The following ABCC4 variants were observed in gnomAD, a reference collection of about 807,000 sequenced individuals.
The protein encoded by ABCC4 is ATP-binding cassette sub-family C member 4.
Under a neutral mutation model 168.5 loss-of-function variants are expected in ABCC4, and 102 were observed. That is an observed-to-expected ratio of 0.61 (90% confidence interval 0.52 to 0.71). The LOEUF (loss-of-function observed/expected upper bound fraction) is 0.71. Among genes scored for constraint, ABCC4 ranks in the 30% least tolerant of loss-of-function variants. ABCC4 has a pLI of 0.00. For missense variants in ABCC4, 1,402 were observed against 1,605.8 expected (o/e 0.87, Z 2.17); for synonymous variants, 617 against 590.7 (o/e 1.04, Z -0.65).
At chr13:95,043,652 C>A in intron 29 of ABCC4, 30 bp downstream of exon 29, 1 of 1,537,868 alleles carries the variant, frequency 6.5e-7, no homozygotes, top group East Asian at 2.2e-5. Flanking sequence ...TAATTGGGAG[C>A]AACAGGAATT....
At chr13:95,058,871 G>C (rs549636910) in intron 26 of ABCC4, among the ~76,000 whole-genome samples, 1 of 152,200 alleles carries the variant, frequency 6.6e-6, no homozygotes, top group Non-Finnish European at 1.5e-5. Context: ...GCAGGAGCCC[G>C]GCCAAGCAGG....
At chr13:95,161,885 A>G (rs2037111564) in intron 18 of ABCC4, 1 of 152,240 alleles carries the variant, frequency 6.6e-6, no homozygotes, top group African/African-American at 2.4e-5. Context: ...ATTTTAACAT[A>G]AGATAATTAA....
intron 27 of ABCC4, among the ~76,000 whole-genome samples, chr13:95,049,197 G>A (rs571530468): frequency 4.7e-4 from 71 of 152,080 alleles, no homozygotes; most frequent in African/African-American, 1.7e-3. Flanking sequence ...AGCCAGGCAT[G>A]GTGGGGCTTG....
At chr13:95,158,290 AG>A (rs1232044488) in intron 19 of ABCC4, among the ~76,000 whole-genome samples, 1 of 151,382 alleles carries the variant, frequency 6.6e-6, no homozygotes, top group African/African-American at 2.5e-5. Flanking sequence ...AAGCATGATG[AG>A]GGGGATGGCA....
At chr13:95,284,236 G>A (rs1221921599) in intron 1 of ABCC4, among the ~76,000 whole-genome samples, 1 of 152,126 alleles carries the variant, frequency 6.6e-6, no homozygotes, top group African/African-American at 2.4e-5. Context: ...GTCCAGGCTG[G>A]AGTGCAGGGG....
Position 95,234,680 on chromosome 13 carries a change from A to G in ABCC4, c.461T>C (p.Leu154Ser). The change falls in exon 4 of 31, where the codon TTA becomes TCA. Residue 154 changes from leucine to serine, a missense_variant. This residue lies in a region of ABCC4 where 317 missense variants were observed against 345.5 expected (regional missense o/e 0.92). Coordinates refer to ENST00000645237, the MANE Select transcript of ABCC4 (RefSeq NM_005845.5). ...AGCACACTGAACGTGATAAAAATATAAGTGATGCAGTATAGCCAAAATGAG... is the reference window on the plus strand; with the variant it reads ...AGCACACTGAACGTGATAAAAATATGAGTGATGCAGTATAGCCAAAATGAG... ...CTLILAILHH[L>S]YFYHVQCAGM... 6.2e-7 allele frequency: 1 copy of G among 1,614,168 alleles called. No individual in the cohort carries two copies. Among genetic ancestry groups the G allele is most frequent in the South Asian group, 1.1e-5 (1 of 91,080 alleles).
intron 11 of ABCC4, among the ~76,000 whole-genome samples, chr13:95,184,722 GATGGAAGAA>G: frequency 6.6e-6 from 1 of 152,214 alleles, no homozygotes; most frequent in Non-Finnish European, 1.5e-5. Context: ...ATAGAGAAAT[GATGGAAGAA>G]AAGAGCTGAA....
At chr13:95,209,225 G>A (rs1321834288) in intron 6 of ABCC4, among the ~76,000 whole-genome samples, 8 of 152,202 alleles carry the variant, frequency 5.3e-5, no homozygotes. Context: ...AGCTGGCTGG[G>A]AGGAGCCAGT....
chr13:95,200,093 T>C (rs950243770), intron 8 of ABCC4, among the ~76,000 whole-genome samples: 10 of 149,702 alleles, frequency 6.7e-5, no homozygotes, highest in African/African-American at 2.4e-4. Flanking sequence ...CACTTGATGA[T>C]TCCCAGGAGG....
intron 1 of ABCC4, among the ~76,000 whole-genome samples, chr13:95,288,947 C>T (rs2041326816): frequency 6.6e-6 from 1 of 152,196 alleles, no homozygotes; most frequent in Non-Finnish European, 1.5e-5. Flanking sequence ...GTAAATGCCA[C>T]ATTTGAGCTC....
chr13:95,197,373 T>C (rs2038486733), intron 8 of ABCC4, among the ~76,000 whole-genome samples: 1 of 152,256 alleles, frequency 6.6e-6, no homozygotes, highest in Admixed American at 6.5e-5. Flanking sequence ...GTATTCTGTA[T>C]GTGCAGGTCA....
intron 4 of ABCC4, among the ~76,000 whole-genome samples, chr13:95,218,218 T>G (rs2039178493): frequency 6.6e-6 from 1 of 152,152 alleles, no homozygotes; most frequent in Non-Finnish European, 1.5e-5. Flanking sequence ...AGCAGAAAAT[T>G]GCCTGTATTT....
At position 95,044,379 on chromosome 13, in the gene ABCC4, T is replaced by C; in HGVS notation, c.3516A>G (p.Glu1172=). 1 of 1,613,826 alleles carries C rather than the reference T, an allele frequency of 6.2e-7. No homozygotes were observed. Among genetic ancestry groups the C allele is most frequent in the Non-Finnish European group, 8.5e-7 (1 of 1,179,856 alleles). Reference sequence around the variant, plus strand: ...GTCCAACACTAAAATTGGATCCTGATTCTGCTAATTCAGTATCCATTTTAC... The same window carrying C: ...GTCCAACACTAAAATTGGATCCTGACTCTGCTAATTCAGTATCCATTTTAC... ...LPGKMDTELA[E]SGSNFSVGQR... The change falls in exon 28 of 31, where the codon GAA becomes GAG. Residue 1172 remains glutamate, a synonymous_variant. Transcript: ENST00000645237.
At chr13:95,277,514 G>A (rs2041001441) in intron 1 of ABCC4, among the ~76,000 whole-genome samples, 1 of 151,748 alleles carries the variant, frequency 6.6e-6, no homozygotes, top group African/African-American at 2.4e-5. Context: ...CCAGGAGGTG[G>A]AGGTTGCAGT....
intron 27 of ABCC4, among the ~76,000 whole-genome samples, chr13:95,049,083 C>G (rs1043291941): frequency 1.3e-5 from 2 of 152,174 alleles, no homozygotes; most frequent in African/African-American, 4.8e-5. Context: ...CCTGTAATCC[C>G]AGCACTCTGG....
chr13:95,209,373 T>C, intron 6 of ABCC4, 61 bp downstream of exon 6: 1 of 1,551,452 alleles, frequency 6.4e-7, no homozygotes, highest in Non-Finnish European at 8.8e-7. Flanking sequence ...ACAAAAGCAT[T>C]GGGAAGACTG....
intron 4 of ABCC4, among the ~76,000 whole-genome samples, chr13:95,218,983 AAGAGTG>A (rs796211598): frequency 0.052 from 559 of 10,800 alleles, 27 homozygotes; most frequent in East Asian, 0.13. Context: ...GAAAGAAAGA[AAGAGTG>A]AGAAAGAAAG....
intron 3 of ABCC4, among the ~76,000 whole-genome samples, chr13:95,237,846 A>C (rs2039817407): frequency 6.6e-6 from 1 of 152,120 alleles, no homozygotes; most frequent in South Asian, 2.1e-4. Flanking sequence ...TGAGTGAAAA[A>C]TACAAGCAGA....
rs894606787 is a variant in ABCC4 at position 95,265,652 on chromosome 13, C to T, written c.75-17899G>A. Among the ~76,000 whole-genome samples the T allele has an allele frequency of 9.9e-5, 15 of 151,970 alleles. No homozygotes were observed. The East Asian group carries it at 1.5e-3, about 16-fold the overall frequency. ...GTGCTACACAGGGGAAGGAGACCCA[C>T]GCTAAGAGGAGAGCATGCACCCAGA... On this transcript the variant is annotated intron_variant, in intron 1 of 30. Coordinates refer to ENST00000645237, the MANE Select transcript of ABCC4 (RefSeq NM_005845.5).
Sources: allele counts gnomAD v4.1 joint callset (sites outside exome capture counted in the v4.1 genomes callset), GRCh38; gene constraint gnomAD v4.1.1; regional missense constraint gnomAD v4.1.1; transcripts MANE v1.5; gene names NCBI Gene and HGNC (gene_info 2026-07-23, HGNC 2026-07-21).